Variants in TNIK observed in about 807,000 individuals in gnomAD.
TNIK encodes TRAF2 and NCK-interacting protein kinase.
In TNIK, 49 loss-of-function variants were observed where a neutral mutation model predicts 191.3. The observed-to-expected ratio is 0.26, with a 90% CI of 0.20 to 0.32. The LOEUF (loss-of-function observed/expected upper bound fraction) is 0.32, where lower values mean the gene tolerates loss of function less well. Among genes scored for constraint, TNIK ranks in the 10% least tolerant of loss-of-function variants. TNIK has a pLI of 1.00. For missense variants in TNIK, 1,155 were observed against 1,702.3 expected, an observed-to-expected ratio of 0.68 and a Z score of 5.66; for synonymous variants, 594 against 600.9, an observed-to-expected ratio of 0.99 and a Z score of 0.17.
chr3:171,277,357 C>A (rs1749873438), intron 2 of TNIK, among the ~76,000 whole-genome samples: 1 of 151,978 alleles, frequency 6.6e-6, no homozygotes, highest in African/African-American at 2.4e-5. Context: ...TAAGAAACAA[C>A]AATAAAAGCC....
intron 6 of TNIK, among the ~76,000 whole-genome samples, chr3:171,190,082 T>A (rs904958502): frequency 1.3e-5 from 2 of 152,188 alleles, no homozygotes; most frequent in African/African-American, 4.8e-5. Context: ...CTCATATACA[T>A]CAAGCAGTCA....
At chr3:171,238,466 G>A (rs1252545279) in intron 2 of TNIK, among the ~76,000 whole-genome samples, 1 of 151,854 alleles carries the variant, frequency 6.6e-6, no homozygotes, top group Non-Finnish European at 1.5e-5. Flanking sequence ...TAAAACAGTG[G>A]TTTTCAGCGG....
intron 2 of TNIK, among the ~76,000 whole-genome samples, chr3:171,359,568 C>CT (rs1476558737): frequency 3.9e-5 from 6 of 152,308 alleles, no homozygotes; most frequent in African/African-American, 1.4e-4. Context: ...TCAGAGGCCA[C>CT]TGCACCCAGC....
At chr3:171,439,253 A>G (rs975825576) in intron 1 of TNIK, among the ~76,000 whole-genome samples, 1 of 151,738 alleles carries the variant, frequency 6.6e-6, no homozygotes, top group African/African-American at 2.4e-5. Flanking sequence ...CTGAGGCAGG[A>G]GAATGGCATG....
chr3:171,122,173 A>T (rs1185404485), intron 18 of TNIK, among the ~76,000 whole-genome samples: 2 of 152,218 alleles, frequency 1.3e-5, no homozygotes, highest in Non-Finnish European at 2.9e-5. Context: ...TTTTTGGTTG[A>T]CAGAAGGAAA....
chr3:171,284,579 T>C (rs2108210311), intron 2 of TNIK, among the ~76,000 whole-genome samples: 1 of 151,602 alleles, frequency 6.6e-6, no homozygotes, highest in East Asian at 1.9e-4. Context: ...CCTGCCGTCA[T>C]TGCATTTCTT....
intron 2 of TNIK, among the ~76,000 whole-genome samples, chr3:171,359,244 A>T (rs965919960): frequency 5.9e-5 from 9 of 152,218 alleles, no homozygotes; most frequent in Non-Finnish European, 1.3e-4. Flanking sequence ...GAATTTCTCA[A>T]GCCATACTCG....
intron 2 of TNIK, among the ~76,000 whole-genome samples, chr3:171,291,526 T>C (rs1162975493): frequency 6.6e-6 from 1 of 152,196 alleles, no homozygotes; most frequent in Non-Finnish European, 1.5e-5. Context: ...TCGACAGGAT[T>C]GCATTCCCCC....
intron 21 of TNIK, among the ~76,000 whole-genome samples, chr3:171,105,566 A>G (rs1226855466): frequency 6.8e-6 from 1 of 147,778 alleles, no homozygotes; most frequent in Non-Finnish European, 1.5e-5. Context: ...CCAACCATAC[A>G]TGGCTCCAGA....
At chr3:171,399,101 C>T (rs1273626349) in intron 1 of TNIK, among the ~76,000 whole-genome samples, 1 of 152,198 alleles carries the variant, frequency 6.6e-6, no homozygotes, top group Non-Finnish European at 1.5e-5. Flanking sequence ...TGCTCCATTG[C>T]TGTTCTTTGA....
At chr3:171,436,761 A>G (rs930795688) in intron 1 of TNIK, among the ~76,000 whole-genome samples, 1 of 152,210 alleles carries the variant, frequency 6.6e-6, no homozygotes, top group African/African-American at 2.4e-5. Flanking sequence ...TCCTAACCAG[A>G]CACTAGAGGC....
At chr3:171,409,567 C>G (rs190888808) in intron 1 of TNIK, among the ~76,000 whole-genome samples, 8 of 152,010 alleles carry the variant, frequency 5.3e-5, no homozygotes, top group Admixed American at 3.9e-4. Flanking sequence ...TATGTAAACT[C>G]TGAATTCCAA....
chr3:171,208,575 TGA>T (rs1740399303), intron 4 of TNIK, among the ~76,000 whole-genome samples: 1 of 151,722 alleles, frequency 6.6e-6, no homozygotes, highest in African/African-American at 2.4e-5. Context: ...TGTGTGTGTG[TGA>T]GACAGAGTCT....
At chr3:171,137,069 T>A (rs1730097225) in intron 15 of TNIK, among the ~76,000 whole-genome samples, 2 of 150,138 alleles carry the variant, frequency 1.3e-5, no homozygotes, top group Admixed American at 6.6e-5. Flanking sequence ...CTAAAGGATT[T>A]AAACAATATG....
chr3:171,427,342 T>C (rs1724775488), intron 1 of TNIK, among the ~76,000 whole-genome samples: 1 of 152,206 alleles, frequency 6.6e-6, no homozygotes, highest in South Asian at 2.1e-4. Context: ...CTTCTCTTCC[T>C]TTCTTCCTAT....
At chr3:171,378,457 T>C (rs759334490) in intron 1 of TNIK, among the ~76,000 whole-genome samples, 29 of 152,206 alleles carry the variant, frequency 1.9e-4, no homozygotes, top group Non-Finnish European at 3.7e-4. Context: ...ATATATAAAA[T>C]GTGTAAAGCA....
intron 1 of TNIK, among the ~76,000 whole-genome samples, chr3:171,425,174 T>C (rs1724394380): frequency 6.6e-6 from 1 of 152,230 alleles, no homozygotes; most frequent in African/African-American, 2.4e-5. Context: ...AAATTAATAC[T>C]TGTTTTTAAT....
chr3:171,455,245 C>T (rs1245248737), intron 1 of TNIK, among the ~76,000 whole-genome samples: 2 of 151,912 alleles, frequency 1.3e-5, no homozygotes. Context: ...TATTTTCCTT[C>T]TTTTCTTAGT....
chr3:171,073,400 T>G (rs1302718347), intron 28 of TNIK, among the ~76,000 whole-genome samples: 2 of 152,092 alleles, frequency 1.3e-5, no homozygotes, highest in Admixed American at 6.6e-5. Context: ...GATTAAAGAT[T>G]TAAATGTACC....
Sources: gnomAD v4.1 joint callset for allele counts (sites outside exome capture counted in the v4.1 genomes callset) on GRCh38, gnomAD v4.1.1 for gene constraint, MANE v1.5 for transcripts, NCBI Gene and HGNC (gene_info 2026-07-23, HGNC 2026-07-21) for gene names.